TMEM74: variants seen among roughly 807,000 people sequenced by gnomAD.
TMEM74 encodes the protein transmembrane protein 74.
Under a neutral mutation model 18.1 loss-of-function variants are expected in TMEM74, and 13 were observed. The ratio of observed to expected loss-of-function variants is 0.72; its 90% confidence interval spans 0.47 to 1.14. The LOEUF (loss-of-function observed/expected upper bound fraction) is 1.14, where lower values mean the gene tolerates loss of function less well. TMEM74 is among the 50% of genes most tolerant of loss of function. The probability of loss-of-function intolerance (pLI) is 0.00; values close to 1 mark genes in which losing one functional copy is unlikely to be tolerated. For missense variants in TMEM74, 372 were observed against 375.9 expected (o/e 0.99, Z 0.09); for synonymous variants, 159 against 146.6 (o/e 1.08, Z -0.61).
intron 2 of TMEM74, among the ~76,000 whole-genome samples, chr8:108,619,470 G>T (rs1812418282): frequency 6.6e-6 from 1 of 152,206 alleles, no homozygotes; most frequent in East Asian, 1.9e-4. Flanking sequence ...AGTCACCAAA[G>T]AAGTGCATGG....
At chr8:108,733,683 C>T (rs1813718046) in intron 1 of TMEM74, among the ~76,000 whole-genome samples, 1 of 152,170 alleles carries the variant, frequency 6.6e-6, no homozygotes, top group African/African-American at 2.4e-5. Flanking sequence ...TGTTTATTAT[C>T]ACTTATTACC....
intron 1 of TMEM74, among the ~76,000 whole-genome samples, chr8:108,772,519 T>C (rs1287277240): frequency 6.6e-6 from 1 of 152,184 alleles, no homozygotes; most frequent in Non-Finnish European, 1.5e-5. Context: ...CAGCCTATAC[T>C]GAGCAACTTG....
At chr8:108,645,293 C>G (rs957747455) in intron 2 of TMEM74, among the ~76,000 whole-genome samples, 45 of 152,002 alleles carry the variant, frequency 3.0e-4, no homozygotes, top group Non-Finnish European at 5.6e-4. Flanking sequence ...TAAGTGGGAG[C>G]TAAGCATTGG....
chr8:108,626,160 A>G lies in TMEM74; in HGVS notation n.265-17334T>C, dbSNP rs148136104. On this transcript the variant is annotated intron_variant and non_coding_transcript_variant, in intron 2 of 3. Transcript: ENST00000518838. ...TGTCCACTATTCTATTGTTTGTATT[A>G]CAACTATTTTCTACATTATTTACAT... Among the ~76,000 whole-genome samples, 965 of 152,164 alleles carry G rather than the reference A, an allele frequency of 6.3e-3. 14 individuals carry two copies. The highest frequency in any genetic ancestry group is 0.022 in the African/African-American group (920 of 41,572).
chr8:108,652,568 A>G, intron 2 of TMEM74: 1 of 588,420 alleles, frequency 1.7e-6, no homozygotes, highest in South Asian at 1.8e-5. Flanking sequence ...TCTGGGTATC[A>G]TAAGAAAAAT....
At chr8:108,697,585 T>C (rs964069555) in intron 1 of TMEM74, among the ~76,000 whole-genome samples, 2 of 151,998 alleles carry the variant, frequency 1.3e-5, no homozygotes, top group Admixed American at 6.6e-5. Flanking sequence ...ACCTGGATAA[T>C]TTTTTATTTT....
chr8:108,660,340 T>G (rs1812887605), intron 1 of TMEM74, among the ~76,000 whole-genome samples: 1 of 152,226 alleles, frequency 6.6e-6, no homozygotes, highest in South Asian at 2.1e-4. Context: ...TTAAGATTCC[T>G]TCCATTGAAT....
At chr8:108,732,232 G>A (rs761486836) in intron 1 of TMEM74, among the ~76,000 whole-genome samples, 9 of 152,182 alleles carry the variant, frequency 5.9e-5, no homozygotes, top group Non-Finnish European at 1.2e-4. Flanking sequence ...AAACAGTGCT[G>A]AGTGAAATTT....
chr8:108,749,249 G>C (rs1416138872), intron 1 of TMEM74, among the ~76,000 whole-genome samples: 1 of 151,990 alleles, frequency 6.6e-6, no homozygotes, highest in Non-Finnish European at 1.5e-5. Context: ...GGGCAGTATG[G>C]CCATTTTCAA....
intron 1 of TMEM74, among the ~76,000 whole-genome samples, chr8:108,697,913 T>C (rs1008186595): frequency 6.6e-6 from 1 of 152,216 alleles, no homozygotes; most frequent in Non-Finnish European, 1.5e-5. Context: ...ACTGAGTTGC[T>C]TAAAGGGAAA....
Position 108,780,941 on chromosome 8 carries a change from C to G in TMEM74, c.*3240G>C, listed in dbSNP as rs1389161335. ...AGAAAACTCTTTGCAAACTCTACCA[C>G]TAACAGTTTAAGGTGCCCTAAAAAG... On this transcript the variant is annotated 3_prime_UTR_variant, in exon 2 of 2. Coordinates refer to ENST00000297459, the MANE Select transcript of TMEM74 (RefSeq NM_153015.3). 6.6e-6 allele frequency among the ~76,000 whole-genome samples: 1 copy of G among 152,150 alleles called. No homozygotes were observed. The highest frequency in any genetic ancestry group is 2.4e-5 in the African/African-American group (1 of 41,440).
intron 1 of TMEM74, among the ~76,000 whole-genome samples, chr8:108,670,830 G>C (rs868371375): frequency 2.6e-5 from 4 of 152,046 alleles, no homozygotes; most frequent in African/African-American, 4.8e-5. Flanking sequence ...AAAGAAAAAA[G>C]AAAATAATCA....
intron 1 of TMEM74, among the ~76,000 whole-genome samples, chr8:108,762,001 G>A (rs1296927814): frequency 6.6e-6 from 1 of 152,122 alleles, no homozygotes; most frequent in East Asian, 1.9e-4. Context: ...ACACTTCTGA[G>A]CTGATCAGAA....
chr8:108,610,669 C>T (rs1366260772), intron 2 of TMEM74, among the ~76,000 whole-genome samples: 1 of 152,086 alleles, frequency 6.6e-6, no homozygotes, highest in Non-Finnish European at 1.5e-5. Flanking sequence ...GGGGAACCAG[C>T]AGTTGGAAAG....
intron 2 of TMEM74, among the ~76,000 whole-genome samples, chr8:108,617,624 C>T (rs1586235216): frequency 6.6e-6 from 1 of 151,842 alleles, no homozygotes; most frequent in East Asian, 1.9e-4. Context: ...TATAATTTAG[C>T]AGAAATTTAA....
chr8:108,683,812 T>C (rs1813139676), intron 1 of TMEM74, among the ~76,000 whole-genome samples: 1 of 152,068 alleles, frequency 6.6e-6, no homozygotes, highest in African/African-American at 2.4e-5. Flanking sequence ...TTCTATGATA[T>C]CAACTTTTTA....
In TMEM74 at chr8:108,782,531, T is replaced by C. The variant is rs1409508480; in HGVS notation, c.*1650A>G. ...TTCAACCCTTAAGTCATATGCAGCA[T>C]ACCTCACTCATCAAATCAATCTGAC... is the stretch of plus-strand genomic sequence containing the variant. On this transcript the variant is annotated 3_prime_UTR_variant, in exon 2 of 2. Transcript: ENST00000297459. Among the ~76,000 whole-genome samples, 1 of 152,176 alleles carries C rather than the reference T, an allele frequency of 6.6e-6. No individual in the cohort carries two copies. The highest frequency in any genetic ancestry group is 1.5e-5 in the Non-Finnish European group (1 of 68,018).
At chr8:108,684,739 A>G (rs1042348491) in intron 1 of TMEM74, among the ~76,000 whole-genome samples, 1 of 148,330 alleles carries the variant, frequency 6.7e-6, no homozygotes, top group Non-Finnish European at 1.5e-5. Flanking sequence ...TCTTTGATCC[A>G]TTTTGAGTTG....
chr8:108,705,737 T>C (rs1476841094), intron 1 of TMEM74, among the ~76,000 whole-genome samples: 1 of 152,178 alleles, frequency 6.6e-6, no homozygotes, highest in Non-Finnish European at 1.5e-5. Flanking sequence ...AGTATATACA[T>C]AACACACATG....
Sources: allele counts gnomAD v4.1 joint callset (sites outside exome capture counted in the v4.1 genomes callset), GRCh38; gene constraint gnomAD v4.1.1; transcripts MANE v1.5; gene names NCBI Gene and HGNC (gene_info 2026-07-23, HGNC 2026-07-21).